The following CAMTA1 variants were observed in gnomAD, a reference collection of about 807,000 sequenced individuals.
The protein encoded by CAMTA1 is calmodulin-binding transcription activator 1.
In CAMTA1, 27 loss-of-function variants were observed where a neutral mutation model predicts 170.9. The ratio of observed to expected loss-of-function variants is 0.16; its 90% CI spans 0.12 to 0.22. The LOEUF is 0.22. Ranked by LOEUF, CAMTA1 falls within the 10% of genes least tolerant of loss-of-function variation. The pLI, the probability that CAMTA1 is intolerant of heterozygous loss-of-function variation, is 1.00. For synonymous variants in CAMTA1, 833 were observed against 891.5 expected (o/e 0.93, Z 1.17); for missense variants, 1,619 against 2,217.2 (o/e 0.73, Z 5.42).
intron 6 of CAMTA1, among the ~76,000 whole-genome samples, chr1:7,483,140 G>C (rs922779032): frequency 6.6e-6 from 1 of 152,176 alleles, no homozygotes; most frequent in Non-Finnish European, 1.5e-5. Flanking sequence ...CCCCCTGCAG[G>C]CTCAGGACAT....
At chr1:6,806,025 A>G (rs920005098) in intron 1 of CAMTA1, among the ~76,000 whole-genome samples, 1 of 152,126 alleles carries the variant, frequency 6.6e-6, no homozygotes, top group African/African-American at 2.4e-5. Flanking sequence ...ATAGATCTTC[A>G]GTTAATTTTT....
intron 6 of CAMTA1, among the ~76,000 whole-genome samples, chr1:7,531,930 C>G (rs923300923): frequency 3.3e-5 from 5 of 152,110 alleles, no homozygotes; most frequent in Non-Finnish European, 2.9e-5. Flanking sequence ...GGCTTTTGAA[C>G]AGATAGTAAT....
At chr1:7,472,622 C>T (rs1200366154) in intron 6 of CAMTA1, among the ~76,000 whole-genome samples, 5 of 152,204 alleles carry the variant, frequency 3.3e-5, no homozygotes, top group Non-Finnish European at 7.4e-5. Context: ...TAGCAGATCA[C>T]GGAAGTGGCC....
At chr1:7,750,881 C>T (rs1168946495) in intron 19 of CAMTA1, 1 of 357,282 alleles carries the variant, frequency 2.8e-6, no homozygotes, top group Non-Finnish European at 5.5e-6. Context: ...TAAAATTTTA[C>T]TGTCGAAATC....
intron 4 of CAMTA1, among the ~76,000 whole-genome samples, chr1:7,124,111 C>T (rs953209095): frequency 5.9e-5 from 9 of 152,100 alleles, no homozygotes; most frequent in East Asian, 3.9e-4. Flanking sequence ...TGTCATTCTC[C>T]GCATTTGTCA....
intron 4 of CAMTA1, among the ~76,000 whole-genome samples, chr1:7,190,571 G>A (rs933588891): frequency 6.6e-6 from 1 of 152,142 alleles, no homozygotes; most frequent in Admixed American, 6.5e-5. Context: ...GGTGAGTAGC[G>A]GAGGGGAATT....
chr1:7,406,929 G>A (rs2090338413), intron 5 of CAMTA1, among the ~76,000 whole-genome samples: 2 of 152,196 alleles, frequency 1.3e-5, no homozygotes, highest in African/African-American at 2.4e-5. Context: ...ACATCCAACT[G>A]TGAGAGGGGA....
chr1:7,078,045 C>G (rs1639539601), intron 3 of CAMTA1, among the ~76,000 whole-genome samples: 1 of 152,132 alleles, frequency 6.6e-6, no homozygotes, highest in South Asian at 2.1e-4. Context: ...ATTTATTTAG[C>G]CATGGATTCA....
At chr1:7,753,182 G>A (rs2096909450) in intron 21 of CAMTA1, among the ~76,000 whole-genome samples, 1 of 152,208 alleles carries the variant, frequency 6.6e-6, no homozygotes, top group African/African-American at 2.4e-5. Context: ...GCATTCTGTG[G>A]GATGCAGCAT....
intron 5 of CAMTA1, among the ~76,000 whole-genome samples, chr1:7,380,191 A>G (rs1044405199): frequency 5.3e-5 from 8 of 152,336 alleles, no homozygotes; most frequent in Admixed American, 5.2e-4. Context: ...AGGATTTCCC[A>G]GGAGCCCATG....
intron 3 of CAMTA1, among the ~76,000 whole-genome samples, chr1:6,898,933 G>C (rs946852170): frequency 1.1e-4 from 17 of 152,186 alleles, no homozygotes; most frequent in Admixed American, 9.2e-4. Context: ...AGATGATCTA[G>C]ACGTAGCACC....
chr1:7,548,338 G>A (rs767332021), intron 6 of CAMTA1, among the ~76,000 whole-genome samples: 21 of 152,176 alleles, frequency 1.4e-4, no homozygotes, highest in African/African-American at 4.6e-4. Context: ...GCCTCCTTAA[G>A]GAGGAAGATT....
chr1:7,240,678 C>T (rs1424487777), intron 4 of CAMTA1, among the ~76,000 whole-genome samples: 1 of 152,002 alleles, frequency 6.6e-6, no homozygotes, highest in Non-Finnish European at 1.5e-5. Flanking sequence ...TGTGCCACCA[C>T]ACTTTGTTGT....
Position 7,609,876 on chromosome 1 carries a change from A to G in CAMTA1, c.511-30524A>G, listed in dbSNP as rs542122823. On this transcript the variant is annotated intron_variant, in intron 6 of 22. Coordinates refer to ENST00000303635, the MANE Select transcript of CAMTA1 (RefSeq NM_015215.4). This position sits in a 1 kb window ranked among gnomAD's most constrained non-coding sequence, Gnocchi z 4.4. ...GAGTCCAAACATGGAAGCTCGGATT[A>G]TTATGTACTGCTCTTACTTCACCTC... Among the ~76,000 whole-genome samples the G allele has an allele frequency of 1.8e-4, 28 of 152,276 alleles. No individual in the cohort carries two copies. The South Asian group carries it at 5.6e-3, about 30-fold the overall frequency.
chr1:7,122,975 G>C (rs140255618), intron 4 of CAMTA1, among the ~76,000 whole-genome samples: 95 of 152,280 alleles, frequency 6.2e-4, no homozygotes, highest in African/African-American at 2.3e-3. Flanking sequence ...CATTCCTGTC[G>C]AAGCCCTGGA....
chr1:7,318,370 T>C (rs948316525), intron 5 of CAMTA1, among the ~76,000 whole-genome samples: 2 of 152,292 alleles, frequency 1.3e-5, no homozygotes, highest in African/African-American at 2.4e-5. Context: ...GGTTACCTGG[T>C]ATATAATGAA....
intron 3 of CAMTA1, among the ~76,000 whole-genome samples, chr1:7,068,581 C>T (rs140814265): frequency 7.9e-5 from 12 of 152,182 alleles, no homozygotes; most frequent in Admixed American, 2.6e-4. Flanking sequence ...TCATGCATCC[C>T]GAGCTCTGTT....
intron 4 of CAMTA1, among the ~76,000 whole-genome samples, chr1:7,131,510 G>A (rs1251960436): frequency 4.0e-5 from 6 of 150,498 alleles, no homozygotes; most frequent in Admixed American, 4.0e-4. Flanking sequence ...TGAGGGTCAA[G>A]GATCGTCTTT....
intron 4 of CAMTA1, among the ~76,000 whole-genome samples, chr1:7,208,363 C>A (rs995665235): frequency 6.6e-6 from 1 of 152,190 alleles, no homozygotes; most frequent in African/African-American, 2.4e-5. Flanking sequence ...AGTCAAAATG[C>A]ACACACACAC....
Sources: gnomAD v4.1 joint callset for allele counts (sites outside exome capture counted in the v4.1 genomes callset) on GRCh38, gnomAD v4.1.1 for gene constraint, Gnocchi (gnomAD v3.1) non-coding constraint, MANE v1.5 for transcripts, NCBI Gene and HGNC (gene_info 2026-07-23, HGNC 2026-07-21) for gene names.